Variants in CARS1 observed in about 807,000 individuals in gnomAD.
CARS1 encodes the protein cysteinyl-tRNA synthetase 1.
CARS1 carries 48 observed loss-of-function variants against 106.2 expected under a neutral mutation model. The observed-to-expected ratio is 0.45, with a 90% CI of 0.36 to 0.57. The LOEUF (loss-of-function observed/expected upper bound fraction) is 0.57. Ranked by LOEUF, CARS1 falls within the 20% of genes least tolerant of loss-of-function variation. The probability of loss-of-function intolerance (pLI) is 0.00; values close to 1 mark genes in which losing one functional copy is unlikely to be tolerated. For missense variants in CARS1, 968 were observed against 1,057.2 expected, an observed-to-expected ratio of 0.92 and a Z score of 1.17; for synonymous variants, 409 against 403.4, an observed-to-expected ratio of 1.01 and a Z score of -0.17.
Position 3,052,438 on chromosome 11 carries a change from C to T in CARS1, c.26-4437G>A, listed in dbSNP as rs1025479899. Reference sequence around the variant, plus strand: ...TTAATGTTATTGTAATAGCCGCATGCTACACACAGAGAATTTCCTGGAGTT... The same window carrying T: ...TTAATGTTATTGTAATAGCCGCATGTTACACACAGAGAATTTCCTGGAGTT... On this transcript the variant is annotated intron_variant, in intron 1 of 22. Transcript: ENST00000380525. This position sits in a 1 kb window ranked among gnomAD's most constrained non-coding sequence, Gnocchi z 4.6. 1.3e-5 allele frequency among the ~76,000 whole-genome samples: 2 copies of T among 152,200 alleles called. No homozygotes were observed. Among genetic ancestry groups the T allele is most frequent in the Non-Finnish European group, 2.9e-5 (2 of 68,030 alleles).
At position 3,044,876 on chromosome 11, in the gene CARS1, T is replaced by C. The variant is rs1052602346; in HGVS notation, c.275-2620A>G. ...AGGGAAGCCAGGAAGTGGCAAGCAG[T>C]CTGCCTACAACACACCAGATGCAGA... On this transcript the variant is annotated intron_variant, in intron 2 of 22. Transcript: ENST00000380525. This position sits in a 1 kb window ranked among gnomAD's most constrained non-coding sequence, Gnocchi z 4.4. Among the ~76,000 whole-genome samples, 1 of 152,058 alleles carries C rather than the reference T, an allele frequency of 6.6e-6. No homozygotes were observed. Among genetic ancestry groups the C allele is most frequent in the Non-Finnish European group, 1.5e-5 (1 of 68,032 alleles).
At position 3,047,758 on chromosome 11, in the gene CARS1, T is replaced by C; in HGVS notation, c.269A>G (p.Gln90Arg). 6.2e-7 allele frequency: 1 copy of C among 1,609,832 alleles called. No individual in the cohort carries two copies. Among genetic ancestry groups the C allele is most frequent in the Non-Finnish European group, 8.5e-7 (1 of 1,176,956 alleles). The change falls in exon 2 of 23, where the codon CAA becomes CGA. Residue 90 changes from glutamine to arginine, a missense_variant. Transcript: ENST00000380525. ...GAACCCACTCTGTTACTCACTTGCTTGGAGCCTGCAGGGCTGGCCTTTGCC... is the reference window on the plus strand; with the variant it reads ...GAACCCACTCTGTTACTCACTTGCTCGGAGCCTGCAGGGCTGGCCTTTGCC... Reference protein sequence around the residue: ...PCGKGQPCRLQASKGRRVQPQ... With the variant: ...PCGKGQPCRLRASKGRRVQPQ...
At chr11:3,023,166 G>A (rs578089456) in intron 10 of CARS1, among the ~76,000 whole-genome samples, 19 of 152,266 alleles carry the variant, frequency 1.2e-4, no homozygotes, top group Middle Eastern at 3.4e-3. Context: ...ATAAAGTGGT[G>A]AGTCAGTGTG....
rs780759753 is a variant in CARS1 at position 3,047,923 on chromosome 11, C to T, written c.104G>A (p.Arg35His). 5 of 1,614,032 alleles carry T rather than the reference C, an allele frequency of 3.1e-6. No individual in the cohort carries two copies. The highest frequency in any genetic ancestry group is 2.2e-5 in the East Asian group (1 of 44,892). Residue 35 changes from arginine (R) to histidine (H), a missense_variant, in exon 2 of 23, where the codon CGT (arginine) becomes CAT (histidine). By Grantham distance (29) the Arg-to-His change is conservative. Transcript: ENST00000380525. ...AQALNEHLSTRSYVQGYSLSQ... is the reference protein window; with the variant it reads ...AQALNEHLSTHSYVQGYSLSQ... The stretch of plus-strand genomic sequence containing the variant: ...CAGTGAGTACCCCTGGACATAGCTA[C>T]GCGTGCTGAGGTGCTCGTTCAGGGC...
rs1157186241 is a variant in CARS1 at position 3,019,137 on chromosome 11, A to G, written c.1395+2T>C. 2.6e-6 allele frequency: 4 copies of G among 1,511,790 alleles called. No individual in the cohort carries two copies. Among genetic ancestry groups the G allele is most frequent in the East Asian group, 2.4e-5 (1 of 41,488 alleles). 93.6% of individuals were successfully genotyped at this position (1,511,790 alleles called of 1,614,324 possible). On this transcript the variant is annotated splice_donor_variant, in intron 12 of 22. Transcript: ENST00000380525. LOFTEE classifies it high-confidence loss of function. This position sits in a 1 kb window ranked among gnomAD's most constrained non-coding sequence, Gnocchi z 6.2. ...TGACAAGGGGACTCTGTTTTCACCT[A>G]CCTCCGACTGTGCCAGCTCATTGTC...
At chr11:3,042,796 G>A (rs142718051) in intron 2 of CARS1, among the ~76,000 whole-genome samples, 1,586 of 152,284 alleles carry the variant, frequency 0.01, 31 homozygotes, top group African/African-American at 0.036. Flanking sequence ...AGGATTTTGA[G>A]GACTCTTGTT....
intron 10 of CARS1, among the ~76,000 whole-genome samples, chr11:3,023,960 T>C (rs1196654693): frequency 6.6e-6 from 1 of 152,018 alleles, no homozygotes; most frequent in Non-Finnish European, 1.5e-5. Flanking sequence ...TGGCACGCTC[T>C]CAGCTCACTG....
intron 1 of CARS1, among the ~76,000 whole-genome samples, chr11:3,056,436 A>T (rs1856205550): frequency 6.6e-6 from 1 of 151,928 alleles, no homozygotes; most frequent in Non-Finnish European, 1.5e-5. Context: ...ACAGTGAGAG[A>T]AGAACCCACT....
chr11:3,039,437 A>ATCAAATAGAAACACCACCC lies in CARS1; in HGVS notation c.553-164_553-146dup, dbSNP rs1854134075. On this transcript the variant is annotated intron_variant, in intron 5 of 22. Coordinates refer to ENST00000380525, the MANE Select transcript of CARS1 (RefSeq NM_001014437.3). The surrounding 1 kb of genome is among the most constrained non-coding windows in gnomAD (Gnocchi z 5.6). ...GTGGGCCCCGGACGTGCACACCATC[A>ATCAAATAGAAACACCACCC]TCAAATAGAAACACCACCCTCCATC... The ATCAAATAGAAACACCACCC allele has an allele frequency of 1.6e-6, 1 of 611,158 alleles. No individual in the cohort carries two copies. The highest frequency in any genetic ancestry group is 2.7e-5 in the Admixed American group (1 of 36,590). The allele number at this position is 611,158 out of a possible 1,614,324, so 37.9% of individuals were successfully genotyped here.
intron 1 of CARS1, among the ~76,000 whole-genome samples, chr11:3,049,533 A>G (rs968458228): frequency 6.6e-6 from 1 of 152,200 alleles, no homozygotes; most frequent in Non-Finnish European, 1.5e-5. Flanking sequence ...TGAGCCCATG[A>G]GCACAGGTGC....
Position 3,041,166 on chromosome 11 carries a change from C to A in CARS1, c.367-182G>T. On this transcript the variant is annotated intron_variant, in intron 3 of 22. Coordinates refer to ENST00000380525, the MANE Select transcript of CARS1 (RefSeq NM_001014437.3). This position sits in a 1 kb window ranked among gnomAD's most constrained non-coding sequence, Gnocchi z 4.9. ...TGGGAGCCCAGTGAGATGTACGGCA[C>A]CTCCCACCAACTGAGCCCTGGGTGG... The A allele has an allele frequency of 1.2e-6, 1 of 862,592 alleles. No homozygotes were observed. Among genetic ancestry groups the A allele is most frequent in the South Asian group, 1.9e-5 (1 of 53,314 alleles). 53.4% of individuals were successfully genotyped at this position (862,592 alleles called of 1,614,324 possible). A position where few individuals can be genotyped will look rare whatever the true frequency, so the allele number is the denominator to read the frequency against.
intron 1 of CARS1, chr11:3,055,110 T>C: frequency 3.3e-6 from 2 of 603,600 alleles, no homozygotes; most frequent in Admixed American, 3.0e-5. Flanking sequence ...GGTACAAAAA[T>C]GATGGCCTCC....
intron 2 of CARS1, among the ~76,000 whole-genome samples, chr11:3,042,616 C>T (rs1166292800): frequency 6.6e-6 from 1 of 152,218 alleles, no homozygotes; most frequent in Non-Finnish European, 1.5e-5. Flanking sequence ...GCCTGCACAG[C>T]GTGCCCAGCA....
chr11:3,011,344 G>A (rs1850430693), intron 18 of CARS1, among the ~76,000 whole-genome samples: 1 of 152,068 alleles, frequency 6.6e-6, no homozygotes, highest in Non-Finnish European at 1.5e-5. Context: ...GGTGGCTCAC[G>A]CCTGTACTCC....
chr11:3,026,929 C>T, intron 9 of CARS1, 132 bp from the exon 10 acceptor site: 3 of 987,990 alleles, frequency 3.0e-6, no homozygotes, highest in Non-Finnish European at 4.4e-6. Context: ...CTGTGGTGGC[C>T]ACTGAAAACC....
At chr11:3,032,404 C>G (rs1852972796) in intron 7 of CARS1, among the ~76,000 whole-genome samples, 1 of 152,114 alleles carries the variant, frequency 6.6e-6, no homozygotes, top group African/African-American at 2.4e-5. Flanking sequence ...AGGTAACAAA[C>G]TACTACTTTC....
chr11:3,054,622 T>C (rs1201647348), intron 1 of CARS1, among the ~76,000 whole-genome samples: 1 of 152,184 alleles, frequency 6.6e-6, no homozygotes. Flanking sequence ...GCTGCCCAGG[T>C]TGGGAGCCTG....
rs939934460 is a variant in CARS1 at position 3,053,972 on chromosome 11, C to T, written c.25+3371G>A. Among the ~76,000 whole-genome samples the T allele has an allele frequency of 2.6e-5, 4 of 152,180 alleles. No homozygotes were observed. The highest frequency in any genetic ancestry group is 2.0e-4 in the Admixed American group (3 of 15,282). On this transcript the variant is annotated intron_variant, in intron 1 of 22. Transcript: ENST00000380525. This position sits in a 1 kb window ranked among gnomAD's most constrained non-coding sequence, Gnocchi z 6.6. Reference sequence around the variant, plus strand: ...AATGTTCCCCTGGTCCCACCCTCTACAGCTGCTCCTCTTGGGTCCTTCCCA... The same window carrying T: ...AATGTTCCCCTGGTCCCACCCTCTATAGCTGCTCCTCTTGGGTCCTTCCCA...
rs1404534961 is a variant in CARS1, at chr11:3,019,215, C to T, written c.1319G>A (p.Gly440Glu). 6.6e-7 allele frequency: 1 copy of T among 1,511,922 alleles called. No individual in the cohort carries two copies. Among genetic ancestry groups the T allele is most frequent in the Non-Finnish European group, 8.9e-7 (1 of 1,129,464 alleles). The allele number at this position is 1,511,922 out of a possible 1,614,324, so 93.7% of individuals were successfully genotyped here. The change falls in exon 12 of 23, where the codon GGG becomes GAG. Residue 440 changes from glycine (G) to glutamate (E), a missense_variant. Gly to Glu is a moderately conservative substitution (Grantham distance 98). Coordinates refer to ENST00000380525, the MANE Select transcript of CARS1 (RefSeq NM_001014437.3). The surrounding 1 kb of genome is among the most constrained non-coding windows in gnomAD (Gnocchi z 6.2). Reference sequence around the variant, plus strand: ...ACCTCCGTGAATGTCCATCGAAGCCCCTAGGAGGGTGCCTGCCATGGCCGA... The same window carrying T: ...ACCTCCGTGAATGTCCATCGAAGCCTCTAGGAGGGTGCCTGCCATGGCCGA... ...ECSAMAGTLL[G>E]ASMDIHGGGF... is the part of the protein sequence containing the mutation.
Sources: allele counts gnomAD v4.1 joint callset (sites outside exome capture counted in the v4.1 genomes callset), GRCh38; gene constraint gnomAD v4.1.1; non-coding constraint Gnocchi (gnomAD v3.1); transcripts MANE v1.5; gene names NCBI Gene and HGNC (gene_info 2026-07-23, HGNC 2026-07-21).